The following LRRC4C variants were observed in gnomAD, a reference collection of about 807,000 sequenced individuals.
LRRC4C encodes the protein leucine-rich repeat-containing protein 4C.
In LRRC4C, 5 loss-of-function variants were observed where a neutral mutation model predicts 33.6. The ratio of observed to expected loss-of-function variants is 0.15; its 90% CI spans 0.08 to 0.31. The LOEUF (loss-of-function observed/expected upper bound fraction) is 0.31. LRRC4C is among the 10% of genes least tolerant of loss of function. LRRC4C has a pLI of 1.00. For synonymous variants in LRRC4C, 329 were observed against 302.0 expected (o/e 1.09, Z -0.93); for missense variants, 560 against 796.7 (o/e 0.70, Z 3.58).
At chr11:40,253,222 A>G (rs1183428580) in intron 4 of LRRC4C, among the ~76,000 whole-genome samples, 1 of 152,240 alleles carries the variant, frequency 6.6e-6, no homozygotes. Flanking sequence ...GAAATTTAAT[A>G]AGACTTGTAA....
intron 3 of LRRC4C, among the ~76,000 whole-genome samples, chr11:40,538,210 C>A (rs1261197378): frequency 1.3e-5 from 2 of 152,132 alleles, no homozygotes; most frequent in African/African-American, 2.4e-5. Flanking sequence ...AGAACTGCCG[C>A]TCTCATCACT....
At chr11:40,215,836 G>C (rs1398340056) in intron 5 of LRRC4C, among the ~76,000 whole-genome samples, 2 of 152,098 alleles carry the variant, frequency 1.3e-5, no homozygotes, top group African/African-American at 2.4e-5. Context: ...ATTAAGAACC[G>C]CTAAGAAGGC....
intron 1 of LRRC4C, among the ~76,000 whole-genome samples, chr11:41,304,449 G>A (rs1950405316): frequency 1.2e-5 from 1 of 86,806 alleles, no homozygotes; most frequent in African/African-American, 4.5e-5. Context: ...GGTGAGGGGC[G>A]CCTCTGCCCG....
chr11:40,689,770 A>G (rs1565638205), intron 2 of LRRC4C, among the ~76,000 whole-genome samples: 1 of 152,110 alleles, frequency 6.6e-6, no homozygotes, highest in African/African-American at 2.4e-5. Flanking sequence ...GGAGTTTGTA[A>G]AAGTCTGCAA....
chr11:41,226,340 G>T lies in LRRC4C; in HGVS notation c.-496+233091C>A, dbSNP rs1947533209. ...TCCATCAAAAGAAACATCCCTCATG[G>T]AGTATTTCAATGCCTGAGTCCTCAC... On this transcript the variant is annotated intron_variant, in intron 1 of 6. Transcript: ENST00000528697. 2.0e-5 allele frequency among the ~76,000 whole-genome samples: 3 copies of T among 152,122 alleles called. No homozygotes were observed. The South Asian group carries it at 6.2e-4, about 32-fold the overall frequency.
chr11:41,122,557 C>G (rs1381061581), intron 1 of LRRC4C, among the ~76,000 whole-genome samples: 1 of 151,536 alleles, frequency 6.6e-6, no homozygotes, highest in Non-Finnish European at 1.5e-5. Context: ...TTTTAATATG[C>G]CCAGATGATT....
intron 4 of LRRC4C, among the ~76,000 whole-genome samples, chr11:40,312,012 G>A (rs1047802010): frequency 7.4e-5 from 11 of 148,610 alleles, no homozygotes; most frequent in African/African-American, 2.7e-4. Flanking sequence ...GGTTTTGTAT[G>A]TCTCAGCATC....
chr11:40,771,419 G>C (rs7947756), intron 2 of LRRC4C, among the ~76,000 whole-genome samples: 118,245 of 152,094 alleles, frequency 0.78, 46,116 homozygotes, highest in Middle Eastern at 0.85. Context: ...CCCTCCTAGG[G>C]CTCTGGGCCT....
intron 2 of LRRC4C, among the ~76,000 whole-genome samples, chr11:40,926,671 T>C (rs1459961767): frequency 6.6e-6 from 1 of 150,942 alleles, no homozygotes; most frequent in Non-Finnish European, 1.5e-5. Flanking sequence ...TTGGTTATAG[T>C]ATACTTTTTT....
At chr11:40,800,091 A>C (rs1007005204) in intron 2 of LRRC4C, among the ~76,000 whole-genome samples, 4 of 152,226 alleles carry the variant, frequency 2.6e-5, no homozygotes, top group Admixed American at 2.0e-4. Flanking sequence ...CTAGTTATCT[A>C]ATCCTATAAA....
intron 1 of LRRC4C, among the ~76,000 whole-genome samples, chr11:41,306,237 TACA>T (rs1950502034): frequency 2.6e-5 from 4 of 152,214 alleles, no homozygotes; most frequent in Admixed American, 1.3e-4. Flanking sequence ...TTTTATAACA[TACA>T]ACGATTCTAC....
chr11:40,282,889 T>C (rs1017113636), intron 4 of LRRC4C, among the ~76,000 whole-genome samples: 5 of 152,250 alleles, frequency 3.3e-5, no homozygotes, highest in African/African-American at 1.2e-4. Context: ...CAAAAACGAT[T>C]GCAGCTCATG....
At chr11:40,842,795 C>A (rs1396305191) in intron 2 of LRRC4C, among the ~76,000 whole-genome samples, 1 of 152,088 alleles carries the variant, frequency 6.6e-6, no homozygotes, top group Non-Finnish European at 1.5e-5. Flanking sequence ...ATAAACATTA[C>A]AATCACCTGG....
rs372727833 is a variant in LRRC4C at position 41,005,440 on chromosome 11, C to T, written c.-495-71717G>A. Among the ~76,000 whole-genome samples the T allele has an allele frequency of 4.6e-5, 7 of 152,144 alleles. No homozygotes were observed. In the East Asian group the frequency reaches 9.7e-4, roughly 21 times the overall value. On this transcript the variant is annotated intron_variant, in intron 1 of 6. Transcript: ENST00000528697. ...GCAACATAGTGACACCCAGTCTCTA[C>T]TAAAAATACAAAAATTAGCCGGGCG... is the stretch of plus-strand genomic sequence containing the variant.
At chr11:40,684,598 G>T (rs957744200) in intron 2 of LRRC4C, among the ~76,000 whole-genome samples, 1 of 151,558 alleles carries the variant, frequency 6.6e-6, no homozygotes, top group East Asian at 1.9e-4. Flanking sequence ...AATTGAGAGG[G>T]TTATAAATTT....
chr11:40,665,320 AAAAAAATATAT>A (rs1288284045), intron 2 of LRRC4C, among the ~76,000 whole-genome samples: 212 of 15,842 alleles, frequency 0.013, 7 homozygotes, highest in African/African-American at 0.032. Context: ...AAAAAAAAAA[AAAAAAATATAT>A]ATATATATAT....
At position 41,096,508 on chromosome 11, in the gene LRRC4C, T is replaced by C. The variant is rs552679918; in HGVS notation, c.-495-162785A>G. 3.7e-4 allele frequency among the ~76,000 whole-genome samples: 57 copies of C among 152,270 alleles called. 1 individual carries two copies. The highest frequency in any genetic ancestry group is 1.3e-3 in the African/African-American group (55 of 41,572). On this transcript the variant is annotated intron_variant, in intron 1 of 6. Coordinates refer to ENST00000528697, the MANE Select transcript of LRRC4C (RefSeq NM_001258419.2). ...ATGAACAGCATTCTGGGGATAATTG[T>C]TGAGATTATATGCTTTCTCCTGAGA...
chr11:40,862,201 T>C (rs935687726), intron 2 of LRRC4C, among the ~76,000 whole-genome samples: 1 of 152,218 alleles, frequency 6.6e-6, no homozygotes, highest in Non-Finnish European at 1.5e-5. Context: ...CACACTATTC[T>C]ATAGTATATT....
chr11:41,367,170 A>G (rs1029411158), intron 1 of LRRC4C, among the ~76,000 whole-genome samples: 2 of 152,174 alleles, frequency 1.3e-5, no homozygotes, highest in African/African-American at 2.4e-5. Context: ...AGACATCTCT[A>G]TATAGCTCAG....
Sources: allele counts gnomAD v4.1 joint callset (sites outside exome capture counted in the v4.1 genomes callset), GRCh38; gene constraint gnomAD v4.1.1; transcripts MANE v1.5; gene names NCBI Gene and HGNC (gene_info 2026-07-23, HGNC 2026-07-21).